The following CACNA2D3 variants were observed in gnomAD, a reference collection of about 807,000 sequenced individuals.
CACNA2D3 encodes the protein calcium voltage-gated channel auxiliary subunit alpha2delta 3.
A neutral mutation model predicts 160.6 loss-of-function variants in CACNA2D3; 60 were observed. That is an observed-to-expected ratio of 0.37 (90% confidence interval 0.30 to 0.46). CACNA2D3 has a LOEUF of 0.46. Ranked by LOEUF, CACNA2D3 falls within the 20% of genes least tolerant of loss-of-function variation. The probability of loss-of-function intolerance (pLI) is 1.00; values close to 1 mark genes in which losing one functional copy is unlikely to be tolerated. For missense variants in CACNA2D3, 1,205 were observed against 1,365.0 expected, an observed-to-expected ratio of 0.88 and a Z score of 1.85; for synonymous variants, 558 against 492.9, an observed-to-expected ratio of 1.13 and a Z score of -1.75.
chr3:54,762,606 C>G (rs765727912), intron 12 of CACNA2D3, among the ~76,000 whole-genome samples: 7 of 152,196 alleles, frequency 4.6e-5, no homozygotes, highest in Non-Finnish European at 1.0e-4. Context: ...ATGAAGGGCT[C>G]CCTCCAAGGG....
intron 13 of CACNA2D3, chr3:54,789,983 CAAAT>C (rs1702718594): frequency 2.5e-6 from 1 of 402,152 alleles, no homozygotes; most frequent in Admixed American, 2.9e-5. Flanking sequence ...GAGAAAGAGT[CAAAT>C]AAACATCTTG....
intron 4 of CACNA2D3, among the ~76,000 whole-genome samples, chr3:54,459,096 A>G (rs1214902550): frequency 6.6e-6 from 1 of 152,166 alleles, no homozygotes; most frequent in Non-Finnish European, 1.5e-5. Flanking sequence ...TACAAAGGAC[A>G]TGAACACATC....
In CACNA2D3 at chr3:54,703,249, A is replaced by G. The variant is rs1700798167; in HGVS notation, c.1168-49350A>G. 1.3e-5 allele frequency among the ~76,000 whole-genome samples: 2 copies of G among 152,182 alleles called. 1 individual carries two copies. The highest frequency in any genetic ancestry group is 1.3e-4 in the Admixed American group (2 of 15,272). On this transcript the variant is annotated intron_variant, in intron 11 of 37. Transcript: ENST00000474759. The stretch of plus-strand genomic sequence containing the variant: ...CTTAAATTAAAAGTTGGAAGAAAAA[A>G]AAAGGATAAAAAAATAAATAAAAGT...
At chr3:54,262,511 A>G (rs968280086) in intron 2 of CACNA2D3, among the ~76,000 whole-genome samples, 7 of 152,198 alleles carry the variant, frequency 4.6e-5, no homozygotes, top group African/African-American at 1.7e-4. Context: ...GTTTTTACCC[A>G]TTGTTTCAAA....
intron 5 of CACNA2D3, among the ~76,000 whole-genome samples, chr3:54,534,490 ACG>A (rs1388986665): frequency 6.6e-6 from 1 of 151,870 alleles, no homozygotes; most frequent in African/African-American, 2.4e-5. Context: ...TGGTCTTCCC[ACG>A]CGATGCTCCA....
At chr3:55,020,405 C>T (rs1032899820) in intron 35 of CACNA2D3, among the ~76,000 whole-genome samples, 1 of 146,550 alleles carries the variant, frequency 6.8e-6, no homozygotes, top group Admixed American at 6.9e-5. Flanking sequence ...ATATATAATA[C>T]ATATGTATAT....
In CACNA2D3 at chr3:54,480,219, A is replaced by G. The variant is rs551932125; in HGVS notation, c.382-23273A>G. ...GAAAGAAAACTTCCTCCTGAATGCTAAAGGTGTGCTACAGGTGTTCCTCCT... is the reference window on the plus strand; with the variant it reads ...GAAAGAAAACTTCCTCCTGAATGCTGAAGGTGTGCTACAGGTGTTCCTCCT... On this transcript the variant is annotated intron_variant, in intron 4 of 37. Coordinates refer to ENST00000474759, the MANE Select transcript of CACNA2D3 (RefSeq NM_018398.3). Among the ~76,000 whole-genome samples, 21 of 152,244 alleles carry G rather than the reference A, an allele frequency of 1.4e-4. No homozygotes were observed. The South Asian group carries it at 4.1e-3, about 30-fold the overall frequency.
intron 4 of CACNA2D3, among the ~76,000 whole-genome samples, chr3:54,418,068 A>C (rs570319454): frequency 2.6e-5 from 4 of 152,208 alleles, no homozygotes; most frequent in African/African-American, 9.6e-5. Context: ...AATTACAGGC[A>C]TGAGCCACTG....
chr3:54,442,300 GA>G (rs1317198526), intron 4 of CACNA2D3, among the ~76,000 whole-genome samples: 5 of 152,156 alleles, frequency 3.3e-5, no homozygotes, highest in African/African-American at 1.2e-4. Flanking sequence ...AGCTTCTAGA[GA>G]ATGCTTCTTC....
chr3:54,973,744 T>C lies in CACNA2D3; in HGVS notation c.2556+3900T>C, dbSNP rs188863190. Among the ~76,000 whole-genome samples the C allele has an allele frequency of 4.0e-3, 612 of 152,312 alleles. 2 individuals are homozygous for C. The highest frequency in any genetic ancestry group is 0.014 in the African/African-American group (575 of 41,584). ...TGACCCCTACCAAGTGCATCTTTCC[T>C]AGGTGACCCCTCTGCAATAAATTTT... is the stretch of plus-strand genomic sequence containing the variant. On this transcript the variant is annotated intron_variant, in intron 29 of 37. Coordinates refer to ENST00000474759, the MANE Select transcript of CACNA2D3 (RefSeq NM_018398.3).
At chr3:54,413,845 A>G (rs1347068381) in intron 4 of CACNA2D3, among the ~76,000 whole-genome samples, 2 of 148,434 alleles carry the variant, frequency 1.3e-5, no homozygotes, top group Non-Finnish European at 3.0e-5. Context: ...ACAGTTTTAA[A>G]TTCCTTCTCT....
At chr3:54,263,113 T>C (rs1702435185) in intron 2 of CACNA2D3, among the ~76,000 whole-genome samples, 2 of 152,238 alleles carry the variant, frequency 1.3e-5, no homozygotes, top group African/African-American at 4.8e-5. Flanking sequence ...CTAATACAAA[T>C]GAAGCACATG....
chr3:54,322,945 A>G (rs995435389), intron 3 of CACNA2D3, among the ~76,000 whole-genome samples: 1 of 152,234 alleles, frequency 6.6e-6, no homozygotes, highest in African/African-American at 2.4e-5. Flanking sequence ...TGTATTCTAT[A>G]TATTTTAAAA....
chr3:54,203,649 G>A (rs1012169260), intron 2 of CACNA2D3, among the ~76,000 whole-genome samples: 1 of 152,154 alleles, frequency 6.6e-6, no homozygotes, highest in Non-Finnish European at 1.5e-5. Flanking sequence ...TTGGGCCACT[G>A]TGTGGCCCCA....
intron 2 of CACNA2D3, among the ~76,000 whole-genome samples, chr3:54,300,589 A>G (rs956645967): frequency 2.6e-5 from 4 of 152,138 alleles, no homozygotes; most frequent in Non-Finnish European, 5.9e-5. Flanking sequence ...TTCTGTTAAT[A>G]TGGGAAATTG....
intron 2 of CACNA2D3, among the ~76,000 whole-genome samples, chr3:54,177,218 C>T (rs1375109493): frequency 5.3e-5 from 8 of 152,236 alleles, no homozygotes; most frequent in Admixed American, 4.6e-4. Context: ...ATCTATCTAA[C>T]TATGCCAGTT....
intron 5 of CACNA2D3, among the ~76,000 whole-genome samples, chr3:54,546,698 GCACA>G (rs776168504): frequency 6.6e-6 from 1 of 151,294 alleles, no homozygotes; most frequent in Non-Finnish European, 1.5e-5. Context: ...ATCAACACAT[GCACA>G]CACACACGCG....
intron 6 of CACNA2D3, 145 bp downstream of exon 6, chr3:54,563,076 A>G (rs1702352688): frequency 1.3e-6 from 1 of 747,992 alleles, no homozygotes; most frequent in Admixed American, 2.9e-5. Context: ...GTCAGGGTGC[A>G]GGACAGGAAT....
intron 4 of CACNA2D3, among the ~76,000 whole-genome samples, chr3:54,484,174 A>G (rs1019989154): frequency 1.3e-5 from 2 of 152,244 alleles, no homozygotes; most frequent in African/African-American, 4.8e-5. Flanking sequence ...TTTAAATAAC[A>G]TGGCCATTTT....
Sources: allele counts gnomAD v4.1 joint callset (sites outside exome capture counted in the v4.1 genomes callset), GRCh38; gene constraint gnomAD v4.1.1; transcripts MANE v1.5; gene names NCBI Gene and HGNC (gene_info 2026-07-23, HGNC 2026-07-21).